CDH18: variants seen among roughly 807,000 people sequenced by gnomAD.
CDH18 encodes the protein cadherin-18.
Under a neutral mutation model 67.9 loss-of-function variants are expected in CDH18, and 31 were observed. The ratio of observed to expected loss-of-function variants is 0.46; its 90% CI spans 0.34 to 0.62. CDH18 has a LOEUF of 0.62. Ranked by LOEUF, CDH18 falls within the 20% of genes least tolerant of loss-of-function variation. The pLI is 0.01. For missense variants in CDH18, 890 were observed against 975.5 expected, an observed-to-expected ratio of 0.91 and a Z score of 1.17; for synonymous variants, 362 against 347.2, an observed-to-expected ratio of 1.04 and a Z score of -0.48.
intron 2 of CDH18, among the ~76,000 whole-genome samples, chr5:19,865,641 G>A (rs567594760): frequency 3.4e-4 from 51 of 152,028 alleles, no homozygotes; most frequent in Non-Finnish European, 6.6e-4. Flanking sequence ...GGTGCTTAAT[G>A]CTCATTAGCA....
chr5:19,690,285 C>G (rs1761689714), intron 5 of CDH18, among the ~76,000 whole-genome samples: 1 of 151,322 alleles, frequency 6.6e-6, no homozygotes. Context: ...ACACCAAAAC[C>G]TATTGGATAC....
intron 5 of CDH18, among the ~76,000 whole-genome samples, chr5:19,672,884 A>G (rs577337065): frequency 1.3e-5 from 2 of 152,030 alleles, no homozygotes; most frequent in Non-Finnish European, 2.9e-5. Context: ...TTTAAGTGTC[A>G]GATTTTGAAA....
At chr5:19,910,902 G>A (rs1425451405) in intron 2 of CDH18, among the ~76,000 whole-genome samples, 2 of 152,116 alleles carry the variant, frequency 1.3e-5, no homozygotes, top group Non-Finnish European at 2.9e-5. Flanking sequence ...GACATAAAAA[G>A]TAGGACTTAC....
chr5:20,510,838 G>T (rs1409773419), intron 1 of CDH18, among the ~76,000 whole-genome samples: 1 of 152,108 alleles, frequency 6.6e-6, no homozygotes, highest in African/African-American at 2.4e-5. Flanking sequence ...AATGTTATTA[G>T]AATATGCAGA....
chr5:20,494,421 A>G (rs1753787870), intron 1 of CDH18, among the ~76,000 whole-genome samples: 1 of 152,046 alleles, frequency 6.6e-6, no homozygotes, highest in Non-Finnish European at 1.5e-5. Flanking sequence ...TAGATAAAAA[A>G]TGTGGGAAGA....
intron 1 of CDH18, among the ~76,000 whole-genome samples, chr5:20,399,940 C>T (rs556496439): frequency 1.2e-4 from 18 of 152,226 alleles, no homozygotes; most frequent in African/African-American, 4.1e-4. Context: ...AAACACCCTC[C>T]GAGCTATAAG....
At chr5:20,415,635 T>C (rs1297973330) in intron 1 of CDH18, among the ~76,000 whole-genome samples, 1 of 151,528 alleles carries the variant, frequency 6.6e-6, no homozygotes, top group African/African-American at 2.4e-5. Context: ...TAGCCAGGCA[T>C]GGTGGTGGGC....
At chr5:19,927,268 C>T (rs1793192630) in intron 2 of CDH18, among the ~76,000 whole-genome samples, 1 of 152,124 alleles carries the variant, frequency 6.6e-6, no homozygotes, top group African/African-American at 2.4e-5. Flanking sequence ...GTAAGGACAT[C>T]ATTACTCAGG....
At chr5:19,910,809 T>C (rs1158927477) in intron 2 of CDH18, among the ~76,000 whole-genome samples, 2 of 151,614 alleles carry the variant, frequency 1.3e-5, no homozygotes, top group African/African-American at 4.8e-5. Flanking sequence ...GCCTAGGAGG[T>C]GGGGTAAAGA....
chr5:20,547,551 ACT>A (rs1161377743), intron 1 of CDH18, among the ~76,000 whole-genome samples: 1 of 135,692 alleles, frequency 7.4e-6, no homozygotes, highest in East Asian at 2.3e-4. Flanking sequence ...ACAGGGCAAG[ACT>A]CTGTCAGAAA....
intron 2 of CDH18, among the ~76,000 whole-genome samples, chr5:19,939,150 C>A (rs1035891189): frequency 1.3e-5 from 2 of 151,324 alleles, no homozygotes; most frequent in Middle Eastern, 4.5e-3. Flanking sequence ...AATGAAAAAT[C>A]TTTTTTGTTA....
chr5:20,041,291 A>G (rs1740401688), intron 2 of CDH18, among the ~76,000 whole-genome samples: 1 of 152,204 alleles, frequency 6.6e-6, no homozygotes, highest in African/African-American at 2.4e-5. Context: ...TCTTAAATTC[A>G]GTGTAGCTTA....
At chr5:19,823,888 A>C (rs2149960732) in intron 3 of CDH18, among the ~76,000 whole-genome samples, 1 of 152,316 alleles carries the variant, frequency 6.6e-6, no homozygotes, top group South Asian at 2.1e-4. Flanking sequence ...CTCTCAGATC[A>C]CAGAGGAATG....
At chr5:20,068,038 A>T (rs1743136513) in intron 2 of CDH18, among the ~76,000 whole-genome samples, 1 of 151,976 alleles carries the variant, frequency 6.6e-6, no homozygotes, top group African/African-American at 2.4e-5. Flanking sequence ...CTTTTATTAC[A>T]ATTTATAAAC....
At chr5:19,921,328 G>A (rs972996301) in intron 2 of CDH18, among the ~76,000 whole-genome samples, 1 of 152,066 alleles carries the variant, frequency 6.6e-6, no homozygotes, top group African/African-American at 2.4e-5. Context: ...TCAGGAGATT[G>A]CGACTATCCT....
At chr5:20,098,337 A>G (rs559994651) in intron 2 of CDH18, among the ~76,000 whole-genome samples, 1 of 152,226 alleles carries the variant, frequency 6.6e-6, no homozygotes, top group East Asian at 1.9e-4. Flanking sequence ...ATTCTAAGGT[A>G]TACAACATGA....
intron 1 of CDH18, among the ~76,000 whole-genome samples, chr5:20,405,137 T>C (rs1364258337): frequency 6.6e-6 from 1 of 152,178 alleles, no homozygotes; most frequent in Non-Finnish European, 1.5e-5. Flanking sequence ...AAGTCAATCC[T>C]AAGCCAAAAG....
At chr5:20,551,782 G>A (rs903809238) in intron 1 of CDH18, among the ~76,000 whole-genome samples, 1 of 152,050 alleles carries the variant, frequency 6.6e-6, no homozygotes, top group Non-Finnish European at 1.5e-5. Flanking sequence ...TACTAATTTG[G>A]TCAGTGTTTT....
chr5:19,898,917 G>A (rs1293458640), intron 2 of CDH18, among the ~76,000 whole-genome samples: 3 of 152,040 alleles, frequency 2.0e-5, no homozygotes, highest in Middle Eastern at 6.3e-3. Context: ...CTGTTAAGAG[G>A]CTCATTACAA....
Sources: allele counts gnomAD v4.1 joint callset (sites outside exome capture counted in the v4.1 genomes callset), GRCh38; gene constraint gnomAD v4.1.1; transcripts MANE v1.5; gene names NCBI Gene and HGNC (gene_info 2026-07-23, HGNC 2026-07-21).